RPUSD2: variants seen among roughly 807,000 people sequenced by gnomAD.
The protein encoded by RPUSD2 is RNA pseudouridine synthase domain containing 2.
A neutral mutation model predicts 41.5 loss-of-function variants in RPUSD2; 31 were observed. The observed-to-expected ratio is 0.75, with a 90% CI of 0.56 to 1.01. RPUSD2 has a LOEUF of 1.01. Among genes scored for constraint, RPUSD2 ranks in the 50% least tolerant of loss-of-function variants. The probability of loss-of-function intolerance (pLI) is 0.00; values close to 1 mark genes in which losing one functional copy is unlikely to be tolerated. For missense variants in RPUSD2, 749 were observed against 724.7 expected (o/e 1.03, Z -0.38); for synonymous variants, 305 against 289.7 (o/e 1.05, Z -0.54).
chr15:40,570,285 A>C (rs187486251), intron 1 of RPUSD2, among the ~76,000 whole-genome samples: 1 of 150,398 alleles, frequency 6.6e-6, no homozygotes, highest in East Asian at 1.9e-4. Context: ...TCTCTGTGCA[A>C]ATAGTAATAA....
intron 2 of RPUSD2, among the ~76,000 whole-genome samples, chr15:40,572,844 T>G (rs1036438512): frequency 6.6e-6 from 1 of 152,086 alleles, no homozygotes; most frequent in Admixed American, 6.6e-5. Flanking sequence ...GGAAAAGTCT[T>G]GGGTAGAGGA....
intron 1 of RPUSD2, among the ~76,000 whole-genome samples, chr15:40,570,450 C>A (rs1403912338): frequency 6.6e-6 from 1 of 152,336 alleles, no homozygotes; most frequent in South Asian, 2.1e-4. Flanking sequence ...AGGCTATCAA[C>A]AGTGCCACTA....
Position 40,569,860 on chromosome 15 carries a change from C to T in RPUSD2, c.523C>T (p.Leu175=). 6.2e-7 allele frequency: 1 copy of T among 1,610,048 alleles called. No individual in the cohort carries two copies. Among genetic ancestry groups the T allele is most frequent in the South Asian group, 1.1e-5 (1 of 90,150 alleles). The change falls in exon 1 of 3, where the codon CTG becomes TTG. Residue 175 remains leucine (L), a synonymous_variant. Coordinates refer to ENST00000315616, the MANE Select transcript of RPUSD2 (RefSeq NM_152260.3). ...CAGTACCGAGTTCCGAGCTCAGCCC[C>T]TGGCCTACTATGAGGCCGCGGTCCG... ...VFSTEFRAQP[L]AYYEAAVRAG...
chr15:40,569,828 A>C lies in RPUSD2; in HGVS notation c.491A>C (p.His164Pro). 6.2e-7 allele frequency: 1 copy of C among 1,613,272 alleles called. No homozygotes were observed. The highest frequency in any genetic ancestry group is 8.5e-7 in the Non-Finnish European group (1 of 1,179,756). ...CGCTGGGTGGGCCACAGCTTGCTGC[A>C]CGTCTTCAGTACCGAGTTCCGAGCT... is the stretch of plus-strand genomic sequence containing the variant. ...KGRWVGHSLL[H>P]VFSTEFRAQP... The change falls in exon 1 of 3, where the codon CAC (histidine) becomes CCC (proline). Residue 164 changes from histidine to proline, a missense_variant. By Grantham distance (77) the His-to-Pro change is moderately conservative. Coordinates refer to ENST00000315616, the MANE Select transcript of RPUSD2 (RefSeq NM_152260.3).
At chr15:40,572,060 A>C (rs991670387) in intron 2 of RPUSD2, among the ~76,000 whole-genome samples, 160 bp downstream of exon 2, 1 of 152,194 alleles carries the variant, frequency 6.6e-6, no homozygotes, top group Admixed American at 6.5e-5. Flanking sequence ...TGCCAAATGC[A>C]GGATATCTCA....
At position 40,573,606 on chromosome 15, in the gene RPUSD2, TG is replaced by T; in HGVS notation, c.984del (p.Ser329LeufsTer4). The T allele has an allele frequency of 6.2e-7, 1 of 1,614,146 alleles. No homozygotes were observed. Among genetic ancestry groups the T allele is most frequent in the Non-Finnish European group, 8.5e-7 (1 of 1,180,020 alleles). ...ACCTGTAAAGAACCCATCTTAGTGG[TG>T]TCTTACAAAGTAGGGGTGTGCCGTG... Reference protein sequence around the residue: ...EVTCKEPILVVSYKVGVCRVD... With the variant: ...EVTCKEPILVXSYKVGVCRVD... On this transcript the variant is annotated frameshift_variant, in exon 3 of 3. Transcript: ENST00000315616. LOFTEE classifies it high-confidence loss of function.
chr15:40,569,420 G>T lies in RPUSD2; in HGVS notation c.83G>T (p.Trp28Leu). 1 of 1,554,144 alleles carries T rather than the reference G, an allele frequency of 6.4e-7. No homozygotes were observed. The highest frequency in any genetic ancestry group is 1.2e-5 in the South Asian group (1 of 80,262). Residue 28 changes from tryptophan to leucine, a missense_variant, in exon 1 of 3, where the codon TGG becomes TTG. Physicochemically the swap from Trp to Leu is moderately conservative, Grantham distance 61 (BLOSUM62 -2). Coordinates refer to ENST00000315616, the MANE Select transcript of RPUSD2 (RefSeq NM_152260.3). The part of the protein sequence containing the change: ...DLRRPSFTRT[W>L]SGDKGPMAET... Reference sequence around the variant, plus strand: ...AGGCGCCCTAGCTTTACCAGGACTTGGAGTGGCGATAAGGGCCCAATGGCA... The same window carrying T: ...AGGCGCCCTAGCTTTACCAGGACTTTGAGTGGCGATAAGGGCCCAATGGCA...
At chr15:40,570,996 ATT>A (rs554986069) in intron 1 of RPUSD2, among the ~76,000 whole-genome samples, 7 of 141,394 alleles carry the variant, frequency 5.0e-5, no homozygotes, top group Non-Finnish European at 4.6e-5. Context: ...TTGATTATTT[ATT>A]TTTTTTTTTT....
chr15:40,571,775 A>G lies in RPUSD2; in HGVS notation c.778A>G (p.Lys260Glu). ...RHNTVIFILGKEHQLKELHPL... is the reference protein window; with the variant it reads ...RHNTVIFILGEEHQLKELHPL... ...CAACACAGTTATCTTCATCCTAGGC[A>G]AGGAGCACCAACTCAAGGAGCTACA... Residue 260 changes from lysine (K) to glutamate (E), a missense_variant, in exon 2 of 3, where the codon AAG (lysine) becomes GAG (glutamate). Physicochemically the swap from Lys to Glu is moderately conservative, Grantham distance 56. Coordinates refer to ENST00000315616, the MANE Select transcript of RPUSD2 (RefSeq NM_152260.3). The G allele has an allele frequency of 1.9e-6, 3 of 1,614,218 alleles. No individual in the cohort carries two copies. The highest frequency in any genetic ancestry group is 2.5e-6 in the Non-Finnish European group (3 of 1,180,034).
In RPUSD2 at chr15:40,571,889, C is replaced by T. The variant is rs146973760; in HGVS notation, c.892C>T (p.Arg298Trp). ...CTCTGAGAGAATTCACGAGCAGGTTCGGGACCGGCAGGTGAGTCAGGCTTT... is the reference window on the plus strand; with the variant it reads ...CTCTGAGAGAATTCACGAGCAGGTTTGGGACCGGCAGGTGAGTCAGGCTTT... ...AVSERIHEQV[R>W]DRQLEKEYVC... Residue 298 changes from arginine to tryptophan, a missense_variant, in exon 2 of 3, where the codon CGG becomes TGG. Arg to Trp is a moderately radical substitution (Grantham distance 101). Transcript: ENST00000315616. 5.6e-6 allele frequency: 9 copies of T among 1,613,190 alleles called. No individual in the cohort carries two copies. Among genetic ancestry groups the T allele is most frequent in the Admixed American group, 1.7e-5 (1 of 60,004 alleles).
At position 40,573,859 on chromosome 15, in the gene RPUSD2, A is replaced by G. The variant is rs1165784719; in HGVS notation, c.1236A>G (p.Leu412=). 6.2e-7 allele frequency: 1 copy of G among 1,614,128 alleles called. No individual in the cohort carries two copies. The highest frequency in any genetic ancestry group is 2.2e-5 in the East Asian group (1 of 44,872). Residue 412 remains leucine, a synonymous_variant, in exon 3 of 3, where the codon CTA becomes CTG. Coordinates refer to ENST00000315616, the MANE Select transcript of RPUSD2 (RefSeq NM_152260.3). ...GYIPKTNEEL[L]RDLVAEHQAK... ...TTCCCAAGACAAACGAGGAGTTGCT[A>G]CGGGACCTGGTAGCAGAGCACCAGG...
Position 40,573,511 on chromosome 15 carries a change from C to G in RPUSD2, c.904-16C>G. The G allele has an allele frequency of 1.3e-6, 2 of 1,598,322 alleles. No individual in the cohort carries two copies. Among genetic ancestry groups the G allele is most frequent in the African/African-American group, 1.3e-5 (1 of 74,938 alleles). On this transcript the variant is annotated splice_polypyrimidine_tract_variant and intron_variant, in intron 2 of 2. Coordinates refer to ENST00000315616, the MANE Select transcript of RPUSD2 (RefSeq NM_152260.3). ...TAGGCTTTGTACTGACTTTCTCCCT[C>G]TTCCCTCCTATGTAGCTGGAGAAGG... is the stretch of plus-strand genomic sequence containing the variant.
At position 40,569,720 on chromosome 15, in the gene RPUSD2, T is replaced by G. The variant is rs910808807; in HGVS notation, c.383T>G (p.Phe128Cys). The G allele has an allele frequency of 3.8e-6, 6 of 1,592,414 alleles. No homozygotes were observed. In the African/African-American group the frequency reaches 8.0e-5, roughly 21 times the overall value. Residue 128 changes from phenylalanine to cysteine, a missense_variant, in exon 1 of 3, where the codon TTT becomes TGT. Transcript: ENST00000315616. Reference sequence around the variant, plus strand: ...GGGGTGAGCTTCGGAGATGAGCACTTTGCAGAAACCAGTTATTACTTCGAG... The same window carrying G: ...GGGGTGAGCTTCGGAGATGAGCACTGTGCAGAAACCAGTTATTACTTCGAG... Reference protein sequence around the residue: ...RTGVSFGDEHFAETSYYFEGG... With the variant: ...RTGVSFGDEHCAETSYYFEGG...
In RPUSD2 at chr15:40,573,841, G is replaced by A. The variant is rs1891197014; in HGVS notation, c.1218G>A (p.Lys406=). 6.2e-7 allele frequency: 1 copy of A among 1,614,054 alleles called. No individual in the cohort carries two copies. The highest frequency in any genetic ancestry group is 8.5e-7 in the Non-Finnish European group (1 of 1,180,036). The part of the protein sequence containing the change: ...PSRGRGGYIP[K]TNEELLRDLV... ...GAGGCCGGGGCGGCTACATTCCCAA[G>A]ACAAACGAGGAGTTGCTACGGGACC... Residue 406 remains lysine, a synonymous_variant, in exon 3 of 3, where the codon AAG becomes AAA. Transcript: ENST00000315616.
In RPUSD2 at chr15:40,573,988, A is replaced by G; in HGVS notation, c.1365A>G (p.Glu455=). 6.2e-7 allele frequency: 1 copy of G among 1,614,136 alleles called. No homozygotes were observed. The highest frequency in any genetic ancestry group is 1.6e-4 in the Middle Eastern group (1 of 6,062). ...PSSELGKDDL[E]ELAAAAQKME... ...CAGAGTTGGGCAAGGACGACCTGGAAGAGTTGGCTGCAGCTGCCCAGAAGA... is the reference window on the plus strand; with the variant it reads ...CAGAGTTGGGCAAGGACGACCTGGAGGAGTTGGCTGCAGCTGCCCAGAAGA... Residue 455 remains glutamate (E), a synonymous_variant, in exon 3 of 3, where the codon GAA becomes GAG. Coordinates refer to ENST00000315616, the MANE Select transcript of RPUSD2 (RefSeq NM_152260.3).
chr15:40,571,421 C>T (rs182630615), intron 1 of RPUSD2, among the ~76,000 whole-genome samples, 183 bp from the exon 2 acceptor site: 18 of 152,286 alleles, frequency 1.2e-4, no homozygotes, highest in Non-Finnish European at 2.4e-4. Flanking sequence ...TCAGTGCCAG[C>T]TATCTGCCTG....
At chr15:40,571,467 C>G in intron 1 of RPUSD2, 137 bp from the exon 2 acceptor site, 1 of 761,642 alleles carries the variant, frequency 1.3e-6, no homozygotes, top group Non-Finnish European at 2.1e-6. Context: ...AGATCACACT[C>G]TGCACACTGC....
At chr15:40,570,863 G>C (rs1891120893) in intron 1 of RPUSD2, among the ~76,000 whole-genome samples, 1 of 152,126 alleles carries the variant, frequency 6.6e-6, no homozygotes, top group Non-Finnish European at 1.5e-5. Context: ...AGCATGTAGC[G>C]AGCCTGTGGC....
intron 1 of RPUSD2, 47 bp downstream of exon 1, chr15:40,569,990 C>T: frequency 1.0e-6 from 1 of 996,002 alleles, no homozygotes; most frequent in Non-Finnish European, 1.3e-6. Context: ...GAAAAGGGGC[C>T]GGGTTTTGTT....
Sources: allele counts gnomAD v4.1 joint callset (sites outside exome capture counted in the v4.1 genomes callset), GRCh38; gene constraint gnomAD v4.1.1; transcripts MANE v1.5; gene names NCBI Gene and HGNC (gene_info 2026-07-23, HGNC 2026-07-21).